SH3BGRL2: variants seen among roughly 807,000 people sequenced by gnomAD.
The protein encoded by SH3BGRL2 is SH3 domain-binding glutamic acid-rich-like protein 2.
Under a neutral mutation model 14.8 loss-of-function variants are expected in SH3BGRL2, and 21 were observed. The observed-to-expected ratio is 1.42, with a 90% CI of 1.01 to 2.05. The LOEUF (loss-of-function observed/expected upper bound fraction) is 2.05, where lower values mean the gene tolerates loss of function less well. Among genes scored for constraint, SH3BGRL2 ranks in the 30% most tolerant of loss-of-function variants. The probability of loss-of-function intolerance (pLI) is 0.00; values close to 1 mark genes in which losing one functional copy is unlikely to be tolerated. For synonymous variants in SH3BGRL2, 50 were observed against 47.8 expected, an observed-to-expected ratio of 1.05 and a Z score of -0.19; for missense variants, 147 against 130.8, an observed-to-expected ratio of 1.12 and a Z score of -0.61.
chr6:79,689,092 A>G (rs1770158442), intron 2 of SH3BGRL2, among the ~76,000 whole-genome samples: 2 of 152,158 alleles, frequency 1.3e-5, no homozygotes. Context: ...TACATGACAG[A>G]AATTATTGGT....
intron 1 of SH3BGRL2, among the ~76,000 whole-genome samples, chr6:79,660,333 A>T (rs1433684214): frequency 6.6e-6 from 1 of 152,166 alleles, no homozygotes; most frequent in Non-Finnish European, 1.5e-5. Flanking sequence ...TAGTTTGTTG[A>T]GAGTTTTAAG....
chr6:79,659,608 C>T (rs1769499176), intron 1 of SH3BGRL2, among the ~76,000 whole-genome samples: 1 of 152,150 alleles, frequency 6.6e-6, no homozygotes, highest in South Asian at 2.1e-4. Context: ...TTAGGATTGT[C>T]TTGGCTATGC....
chr6:79,541,392 G>C, the SH3BGRL2 span, among the ~76,000 whole-genome samples: 153 of 152,128 alleles, frequency 1.0e-3, no homozygotes, highest in African/African-American at 3.6e-3. Flanking sequence ...GAAAAATCTA[G>C]TAGACCTAGC....
chr6:79,582,143 A>C, the SH3BGRL2 span, among the ~76,000 whole-genome samples: 1 of 152,194 alleles, frequency 6.6e-6, no homozygotes, highest in Non-Finnish European at 1.5e-5. Context: ...AGAGGACATA[A>C]ACAAATGGAA....
chr6:79,696,626 A>G, intron 3 of SH3BGRL2, 61 bp downstream of exon 3: 1 of 1,264,128 alleles, frequency 7.9e-7, no homozygotes, highest in Non-Finnish European at 1.1e-6. Flanking sequence ...TTTCTTAGAG[A>G]TGTAGAGTGA....
the SH3BGRL2 span, among the ~76,000 whole-genome samples, chr6:79,616,062 C>T: frequency 4.6e-5 from 7 of 152,014 alleles, no homozygotes; most frequent in African/African-American, 9.7e-5. Context: ...GTGATCCACC[C>T]GCCTTGGCCT....
chr6:79,677,140 A>G (rs1769901362), intron 2 of SH3BGRL2, among the ~76,000 whole-genome samples: 1 of 152,254 alleles, frequency 6.6e-6, no homozygotes, highest in Non-Finnish European at 1.5e-5. Context: ...TGTTCATCTC[A>G]CCTGCTTCTG....
At chr6:79,586,497 A>C in the SH3BGRL2 span, among the ~76,000 whole-genome samples, 1 of 152,194 alleles carries the variant, frequency 6.6e-6, no homozygotes, top group Non-Finnish European at 1.5e-5. Flanking sequence ...AGCATGTATT[A>C]ATATATTTTT....
In SH3BGRL2 at chr6:79,641,855, T is replaced by A. The variant is rs556400207; in HGVS notation, c.45+10349T>A. Among the ~76,000 whole-genome samples the A allele has an allele frequency of 2.0e-4, 30 of 152,266 alleles. 1 individual carries two copies. The East Asian group carries it at 5.4e-3, about 27-fold the overall frequency. ...TTACTAGGCTGAGAACGCATACAGG[T>A]ATAATTTTAGGAGAGATTTTAGTAA... On this transcript the variant is annotated intron_variant, in intron 1 of 3. Coordinates refer to ENST00000369838, the MANE Select transcript of SH3BGRL2 (RefSeq NM_031469.4).
At chr6:79,646,391 A>T (rs903954804) in intron 1 of SH3BGRL2, among the ~76,000 whole-genome samples, 3 of 152,242 alleles carry the variant, frequency 2.0e-5, no homozygotes, top group African/African-American at 7.2e-5. Context: ...CTTCTAGAGC[A>T]GTGTATTATG....
intron 2 of SH3BGRL2, among the ~76,000 whole-genome samples, chr6:79,676,956 C>T (rs187189011): frequency 1.1e-4 from 16 of 152,250 alleles, no homozygotes; most frequent in African/African-American, 3.6e-4. Context: ...AGGTCAATGG[C>T]ATCTTCTGTG....
the SH3BGRL2 span, among the ~76,000 whole-genome samples, chr6:79,546,259 TA>T: frequency 3.9e-5 from 6 of 152,096 alleles, no homozygotes; most frequent in Non-Finnish European, 5.9e-5. Flanking sequence ...ATAATACAAA[TA>T]GGGGGGTAAA....
chr6:79,560,210 C>G, the SH3BGRL2 span, among the ~76,000 whole-genome samples: 124 of 152,164 alleles, frequency 8.1e-4, no homozygotes, highest in African/African-American at 2.8e-3. Flanking sequence ...GTAAAGGAAG[C>G]AGTTTAGACA....
the SH3BGRL2 span, among the ~76,000 whole-genome samples, chr6:79,568,874 A>G: frequency 6.6e-6 from 1 of 152,082 alleles, no homozygotes; most frequent in Non-Finnish European, 1.5e-5. Context: ...CTTAGTATGT[A>G]TGAAATAATT....
intron 1 of SH3BGRL2, 86 bp downstream of exon 1, chr6:79,631,592 T>C (rs946767291): frequency 3.1e-5 from 35 of 1,144,136 alleles, no homozygotes; most frequent in Non-Finnish European, 3.6e-5. Context: ...CTGCGCGTCC[T>C]TGCGCTCAGC....
At chr6:79,646,532 G>C (rs1202261039) in intron 1 of SH3BGRL2, among the ~76,000 whole-genome samples, 1 of 152,156 alleles carries the variant, frequency 6.6e-6, no homozygotes, top group Non-Finnish European at 1.5e-5. Context: ...TGTTGTTGCT[G>C]TTGTTTCATA....
the SH3BGRL2 span, among the ~76,000 whole-genome samples, chr6:79,583,082 A>T: frequency 6.6e-6 from 1 of 152,230 alleles, no homozygotes; most frequent in East Asian, 1.9e-4. Flanking sequence ...CCACAATGAG[A>T]TACCATCTCA....
At position 79,699,610 on chromosome 6, in the gene SH3BGRL2, A is replaced by T. The variant is rs774747157; in HGVS notation, c.*101A>T. Reference sequence around the variant, plus strand: ...CATCACTGTGACAAAAGCCACACGCATTATCAGTAACTTTGCTTGCCACGG... The same window carrying T: ...CATCACTGTGACAAAAGCCACACGCTTTATCAGTAACTTTGCTTGCCACGG... On this transcript the variant is annotated 3_prime_UTR_variant, in exon 4 of 4. Transcript: ENST00000369838. 464 of 1,376,314 alleles carry T rather than the reference A, an allele frequency of 3.4e-4. No homozygotes were observed. The highest frequency in any genetic ancestry group is 4.2e-4 in the Non-Finnish European group (441 of 1,047,266). The allele number at this position is 1,376,314 out of a possible 1,614,324, so 85.3% of individuals were successfully genotyped here.
At chr6:79,579,966 A>C in the SH3BGRL2 span, among the ~76,000 whole-genome samples, 1 of 152,230 alleles carries the variant, frequency 6.6e-6, no homozygotes, top group Non-Finnish European at 1.5e-5. Flanking sequence ...TATCAAGCAA[A>C]TGGAAAGCAA....
Sources: allele counts gnomAD v4.1 joint callset (sites outside exome capture counted in the v4.1 genomes callset), GRCh38; gene constraint gnomAD v4.1.1; transcripts MANE v1.5; gene names NCBI Gene and HGNC (gene_info 2026-07-23, HGNC 2026-07-21).